Variants in ZDHHC14 observed in about 807,000 individuals in gnomAD.
The protein encoded by ZDHHC14 is zDHHC palmitoyltransferase 14.
A neutral mutation model predicts 47.7 loss-of-function variants in ZDHHC14; 16 were observed. That is an observed-to-expected ratio of 0.34 (90% CI 0.23 to 0.51). ZDHHC14 has a LOEUF of 0.51. ZDHHC14 is among the 20% of genes least tolerant of loss of function. The probability of loss-of-function intolerance (pLI) is 0.97; values close to 1 mark genes in which losing one functional copy is unlikely to be tolerated. For missense variants in ZDHHC14, 515 were observed against 662.5 expected (o/e 0.78, Z 2.44); for synonymous variants, 293 against 278.9 (o/e 1.05, Z -0.50).
intron 1 of ZDHHC14, among the ~76,000 whole-genome samples, chr6:157,538,891 C>T (rs922757052): frequency 3.3e-5 from 5 of 152,054 alleles, no homozygotes; most frequent in East Asian, 1.9e-4. Context: ...CTGCCTGAGA[C>T]GCCCAAATGT....
At chr6:157,642,049 G>GATAGATAA (rs1209116038) in intron 5 of ZDHHC14, among the ~76,000 whole-genome samples, 1 of 150,726 alleles carries the variant, frequency 6.6e-6, no homozygotes, top group African/African-American at 2.4e-5. Flanking sequence ...TAGATAGATA[G>GATAGATAA]ATAGATAGAT....
At chr6:157,584,220 G>C (rs2114877721) in intron 2 of ZDHHC14, among the ~76,000 whole-genome samples, 1 of 152,298 alleles carries the variant, frequency 6.6e-6, no homozygotes, top group Admixed American at 6.5e-5. Flanking sequence ...AGGCTGCACT[G>C]CTGGCCTGAG....
chr6:157,555,385 C>A (rs978556170), intron 2 of ZDHHC14, among the ~76,000 whole-genome samples: 11 of 152,204 alleles, frequency 7.2e-5, no homozygotes, highest in Admixed American at 6.5e-4. Context: ...TGTAGCTGAA[C>A]AAACTTTTGG....
chr6:157,525,394 G>A (rs1228900382), intron 1 of ZDHHC14, among the ~76,000 whole-genome samples: 1 of 151,890 alleles, frequency 6.6e-6, no homozygotes, highest in Non-Finnish European at 1.5e-5. Flanking sequence ...TCAAACTCCT[G>A]GGCTCCAGTG....
chr6:157,411,496 G>GTCTA (rs1777868903), intron 1 of ZDHHC14, among the ~76,000 whole-genome samples: 1 of 152,196 alleles, frequency 6.6e-6, no homozygotes, highest in Admixed American at 6.5e-5. Flanking sequence ...AGGATCTGTA[G>GTCTA]TCTAGCTCAT....
chr6:157,531,343 G>A (rs17541700), intron 1 of ZDHHC14, among the ~76,000 whole-genome samples: 85,331 of 151,480 alleles, frequency 0.56, 24,294 homozygotes, highest in African/African-American at 0.65. Context: ...ATTACACTGT[G>A]CTTCCGCCAG....
intron 2 of ZDHHC14, among the ~76,000 whole-genome samples, chr6:157,564,522 A>G (rs991408954): frequency 3.3e-5 from 5 of 152,256 alleles, no homozygotes; most frequent in Non-Finnish European, 5.9e-5. Flanking sequence ...AACCCAATAC[A>G]TCAGATGTCT....
At position 157,415,602 on chromosome 6, in the gene ZDHHC14, C is replaced by T. The variant is rs192007354; in HGVS notation, c.245+33336C>T. ...TAAAAGTTGGTGGCAAGGCCAGGTA[C>T]GGTGACTTACACCTGTAATCCCAGC... On this transcript the variant is annotated intron_variant, in intron 1 of 8. Coordinates refer to ENST00000359775, the MANE Select transcript of ZDHHC14 (RefSeq NM_024630.3). 1.8e-3 allele frequency among the ~76,000 whole-genome samples: 280 copies of T among 152,306 alleles called. 1 individual carries two copies. Among genetic ancestry groups the T allele is most frequent in the African/African-American group, 6.2e-3 (257 of 41,570 alleles).
intron 1 of ZDHHC14, among the ~76,000 whole-genome samples, chr6:157,446,535 G>A (rs559286396): frequency 2.2e-4 from 33 of 151,904 alleles, no homozygotes; most frequent in African/African-American, 7.0e-4. Flanking sequence ...TCGGCCTCCC[G>A]AATAGCTGGG....
rs183932131 is a variant in ZDHHC14, at chr6:157,584,970, C to T, written c.407-8018C>T. Among the ~76,000 whole-genome samples, 844 of 152,106 alleles carry T rather than the reference C, an allele frequency of 5.5e-3. 5 individuals carry two copies. The highest frequency in any genetic ancestry group is 8.4e-3 in the Non-Finnish European group (568 of 67,984). ...CTGTAATCCCAGCACTATGGGAGGC[C>T]GAGGCGGGTGGATCACCTAAGGTCA... On this transcript the variant is annotated intron_variant, in intron 2 of 8. Transcript: ENST00000359775.
chr6:157,388,566 A>G (rs1303714407), intron 1 of ZDHHC14, among the ~76,000 whole-genome samples: 1 of 152,240 alleles, frequency 6.6e-6, no homozygotes, highest in East Asian at 1.9e-4. Flanking sequence ...AGTTACATCC[A>G]GGAATTTGGA....
chr6:157,604,292 A>T (rs1162299502), intron 3 of ZDHHC14, among the ~76,000 whole-genome samples: 1 of 84,694 alleles, frequency 1.2e-5, no homozygotes, highest in African/African-American at 3.7e-5. Flanking sequence ...GTCTTAAAAA[A>T]AAAAAAAAAA....
intron 1 of ZDHHC14, among the ~76,000 whole-genome samples, chr6:157,524,568 T>C (rs1781092224): frequency 1.3e-5 from 2 of 152,274 alleles, no homozygotes; most frequent in Admixed American, 6.5e-5. Flanking sequence ...TGTTTACATA[T>C]TAAGAAGACA....
At chr6:157,482,930 A>T (rs147528279) in intron 1 of ZDHHC14, among the ~76,000 whole-genome samples, 1,935 of 151,976 alleles carry the variant, frequency 0.013, 42 homozygotes, top group African/African-American at 0.045. Context: ...TTTGGTAGAG[A>T]TGGGGATTTC....
At position 157,387,550 on chromosome 6, in the gene ZDHHC14, C is replaced by T. The variant is rs151205872; in HGVS notation, c.245+5284C>T. 9.2e-5 allele frequency among the ~76,000 whole-genome samples: 14 copies of T among 152,274 alleles called. No homozygotes were observed. In the East Asian group the frequency reaches 1.2e-3, roughly 13 times the overall value. On this transcript the variant is annotated intron_variant, in intron 1 of 8. Coordinates refer to ENST00000359775, the MANE Select transcript of ZDHHC14 (RefSeq NM_024630.3). Reference sequence around the variant, plus strand: ...CACCATGGGGTTGATACAGACAATACGTGACCCTCAGGACCTTACCAGAGG... The same window carrying T: ...CACCATGGGGTTGATACAGACAATATGTGACCCTCAGGACCTTACCAGAGG...
chr6:157,497,458 G>A (rs1285381273), intron 1 of ZDHHC14, among the ~76,000 whole-genome samples: 10 of 152,176 alleles, frequency 6.6e-5, no homozygotes, highest in East Asian at 1.9e-4. Context: ...TTGCAATGAC[G>A]TTGCCTCATG....
chr6:157,420,377 A>G (rs1778071106), intron 1 of ZDHHC14, among the ~76,000 whole-genome samples: 1 of 143,122 alleles, frequency 7.0e-6, no homozygotes, highest in Admixed American at 7.0e-5. Flanking sequence ...GAGAAGGTAT[A>G]GGCATTGAAG....
chr6:157,489,411 A>G (rs1779858533), intron 1 of ZDHHC14, among the ~76,000 whole-genome samples: 1 of 151,884 alleles, frequency 6.6e-6, no homozygotes, highest in Non-Finnish European at 1.5e-5. Context: ...AGGTTTTTTA[A>G]AACACCTTTT....
chr6:157,565,421 A>T (rs1782863787), intron 2 of ZDHHC14, among the ~76,000 whole-genome samples: 1 of 152,216 alleles, frequency 6.6e-6, no homozygotes, highest in Non-Finnish European at 1.5e-5. Flanking sequence ...AAAAATACAA[A>T]AAATTAGTTT....
Sources: gnomAD v4.1 joint callset for allele counts (sites outside exome capture counted in the v4.1 genomes callset) on GRCh38, gnomAD v4.1.1 for gene constraint, MANE v1.5 for transcripts, NCBI Gene and HGNC (gene_info 2026-07-23, HGNC 2026-07-21) for gene names.